BANP: variants seen among roughly 807,000 people sequenced by gnomAD.
The protein encoded by BANP is BTG3 associated nuclear protein.
BANP carries 11 observed loss-of-function variants against 68.1 expected under a neutral mutation model. The ratio of observed to expected loss-of-function variants is 0.16; its 90% CI spans 0.10 to 0.27. The LOEUF is 0.27. Ranked by LOEUF, BANP falls within the 10% of genes least tolerant of loss-of-function variation. The pLI is 1.00. For synonymous variants in BANP, 329 were observed against 303.2 expected (o/e 1.09, Z -0.88); for missense variants, 504 against 722.7 (o/e 0.70, Z 3.47).
At chr16:88,039,880 G>A (rs189797943) in intron 11 of BANP, among the ~76,000 whole-genome samples, 183 of 152,298 alleles carry the variant, frequency 1.2e-3, no homozygotes, top group African/African-American at 4.2e-3. Context: ...GCTCATTCCC[G>A]GGTCTTCCGT....
chr16:88,051,198 T>A (rs1271147406), intron 11 of BANP, among the ~76,000 whole-genome samples: 1 of 152,210 alleles, frequency 6.6e-6, no homozygotes, highest in African/African-American at 2.4e-5. Flanking sequence ...CCCAGTGGTT[T>A]AGGGCTGAGG....
intron 6 of BANP, among the ~76,000 whole-genome samples, chr16:88,014,421 A>G (rs1473442444): frequency 1.3e-5 from 2 of 150,552 alleles, no homozygotes; most frequent in Non-Finnish European, 3.0e-5. Context: ...CTGTCATCCT[A>G]AGTCAGGGAG....
chr16:87,984,129 C>T lies in BANP; in HGVS notation c.232C>T (p.Leu78=), dbSNP rs763914556. ...LDSIEAKLQA[L]EATCKSLEEK... is the part of the protein sequence containing the mutation. ...TAGCATTGAAGCCAAATTGCAAGCC[C>T]TGGAGGCTACTTGTAAATCCTTAGA... Residue 78 remains leucine (L), a synonymous_variant, in exon 4 of 14, where the codon CTG becomes TTG. Transcript: ENST00000682872. 14 of 1,612,920 alleles carry T rather than the reference C, an allele frequency of 8.7e-6. 1 individual carries two copies. The South Asian group carries it at 1.5e-4, about 18-fold the overall frequency.
intron 11 of BANP, 42 bp from the exon 12 acceptor site, chr16:88,065,225 C>CT: frequency 1.4e-6 from 1 of 696,644 alleles, no homozygotes; most frequent in Non-Finnish European, 2.6e-6. Context: ...GTTGGTCCTT[C>CT]TGGAGGCTCC....
At chr16:87,977,292 G>T (rs990184750) in intron 2 of BANP, among the ~76,000 whole-genome samples, 21 of 152,164 alleles carry the variant, frequency 1.4e-4, no homozygotes, top group Admixed American at 2.0e-4. Flanking sequence ...GGTGGCGGGC[G>T]CCTGTAGTCC....
At position 88,077,199 on chromosome 16, in the gene BANP, G is replaced by A. The variant is rs1225212473; in HGVS notation, c.*538G>A. The A allele has an allele frequency of 6.6e-6, 1 of 152,622 alleles. No homozygotes were observed. The highest frequency in any genetic ancestry group is 2.4e-5 in the African/African-American group (1 of 41,482). 9.5% of individuals were successfully genotyped at this position (152,622 alleles called of 1,614,324 possible). A position where few individuals can be genotyped will look rare whatever the true frequency, so the allele number is the denominator to read the frequency against. ...TGCTCTGTCCAGTGTCATGAGGCAG[G>A]TGTTTGCAAAGCCAGCTCTCGGTTC... On this transcript the variant is annotated 3_prime_UTR_variant, in exon 14 of 14. Transcript: ENST00000682872.
At chr16:88,074,045 T>C (rs961093836) in intron 13 of BANP, among the ~76,000 whole-genome samples, 2 of 152,212 alleles carry the variant, frequency 1.3e-5, no homozygotes, top group African/African-American at 4.8e-5. Flanking sequence ...GCAGGGTGCG[T>C]TAGCTTGTCA....
At chr16:87,993,781 A>G (rs1296942685) in intron 4 of BANP, among the ~76,000 whole-genome samples, 2 of 152,018 alleles carry the variant, frequency 1.3e-5, no homozygotes, top group Non-Finnish European at 2.9e-5. Context: ...TTGTATTTAT[A>G]TTACAGACGG....
intron 11 of BANP, among the ~76,000 whole-genome samples, chr16:88,049,930 A>G (rs1173391696): frequency 2.6e-5 from 4 of 152,230 alleles, no homozygotes; most frequent in African/African-American, 9.6e-5. Flanking sequence ...GATTTAGATT[A>G]CATACAGCAT....
chr16:88,018,831 A>C lies in BANP; in HGVS notation c.895+164A>C, dbSNP rs9926883. 0.69 allele frequency among the ~76,000 whole-genome samples: 104,708 copies of C among 151,980 alleles called. 37,802 individuals carry two copies. The highest frequency in any genetic ancestry group is 0.82 in the Non-Finnish European group (55,489 of 67,970). ...GGATCAGTGCTCGAGGGGATGGATG[A>C]GCTGTTGACCCTGATGTGCTTATTA... On this transcript the variant is annotated intron_variant, in intron 7 of 13. Transcript: ENST00000682872. This position sits in a 1 kb window ranked among gnomAD's most constrained non-coding sequence, Gnocchi z 7.7.
chr16:88,066,734 T>A lies in BANP; in HGVS notation c.1377+1402T>A, dbSNP rs187016630. Among the ~76,000 whole-genome samples, 602 of 152,230 alleles carry A rather than the reference T, an allele frequency of 4.0e-3. 2 individuals are homozygous for A. Among genetic ancestry groups the A allele is most frequent in the Non-Finnish European group, 6.6e-3 (446 of 67,986 alleles). ...AAAACATTGAATCATTTTGTTCAGT[T>A]TTTTTTTCCCCCAGAAAGGTGCCAA... On this transcript the variant is annotated intron_variant, in intron 12 of 13. Transcript: ENST00000682872.
chr16:88,050,004 G>T (rs560903339), intron 11 of BANP, among the ~76,000 whole-genome samples: 27 of 152,326 alleles, frequency 1.8e-4, no homozygotes, highest in African/African-American at 6.5e-4. Context: ...CCCTCTTCAG[G>T]AAAGAGCTGG....
chr16:87,951,039 C>G (rs900471626), upstream of BANP: 1 of 152,256 alleles, frequency 6.6e-6, no homozygotes. Context: ...ACTACAAGTC[C>G]CGGCAGGCAT....
intron 11 of BANP, among the ~76,000 whole-genome samples, chr16:88,050,010 G>C (rs2082884584): frequency 6.6e-6 from 1 of 152,228 alleles, no homozygotes; most frequent in Non-Finnish European, 1.5e-5. Flanking sequence ...TCAGGAAAGA[G>C]CTGGTGTGTG....
chr16:88,052,284 G>T (rs547368337), intron 11 of BANP, among the ~76,000 whole-genome samples: 2 of 152,266 alleles, frequency 1.3e-5, no homozygotes, highest in Non-Finnish European at 2.9e-5. Context: ...AAGCATTGTG[G>T]CAAGCTAGCG....
At chr16:88,033,557 T>C (rs541005127) in intron 9 of BANP, among the ~76,000 whole-genome samples, 6 of 152,328 alleles carry the variant, frequency 3.9e-5, no homozygotes, top group African/African-American at 1.2e-4. Context: ...CGGTGGTCCC[T>C]GCCCCAGCTC....
At chr16:88,051,508 C>T (rs777467868) in intron 11 of BANP, among the ~76,000 whole-genome samples, 8 of 152,096 alleles carry the variant, frequency 5.3e-5, no homozygotes, top group Non-Finnish European at 8.8e-5. Flanking sequence ...ATGGGAAGTG[C>T]GGCCATTCCC....
At chr16:88,019,146 G>T (rs1176137342) in intron 7 of BANP, among the ~76,000 whole-genome samples, 1 of 152,180 alleles carries the variant, frequency 6.6e-6, no homozygotes, top group Non-Finnish European at 1.5e-5. Flanking sequence ...TGGGAGCCAG[G>T]AGAGCTCCAA....
At chr16:88,020,811 A>G (rs1304169332) in intron 7 of BANP, among the ~76,000 whole-genome samples, 2 of 152,184 alleles carry the variant, frequency 1.3e-5, no homozygotes, top group African/African-American at 2.4e-5. Flanking sequence ...TGTCAGGCTA[A>G]GGATTCGGGC....
Sources: gnomAD v4.1 joint callset for allele counts (sites outside exome capture counted in the v4.1 genomes callset) on GRCh38, gnomAD v4.1.1 for gene constraint, Gnocchi (gnomAD v3.1) non-coding constraint, MANE v1.5 for transcripts, NCBI Gene and HGNC (gene_info 2026-07-23, HGNC 2026-07-21) for gene names.